The following GABBR2 variants were observed in gnomAD, a reference collection of about 807,000 sequenced individuals.
The protein encoded by GABBR2 is gamma-aminobutyric acid type B receptor subunit 2.
In GABBR2, 23 loss-of-function variants were observed where a neutral mutation model predicts 105.6. The observed-to-expected ratio is 0.22, with a 90% CI of 0.16 to 0.31. The LOEUF is 0.31. Among genes scored for constraint, GABBR2 ranks in the 10% least tolerant of loss-of-function variants. The pLI is 1.00. For synonymous variants in GABBR2, 478 were observed against 499.7 expected (o/e 0.96, Z 0.58); for missense variants, 734 against 1,245.5 (o/e 0.59, Z 6.18).
chr9:98,311,233 G>A, intron 13 of GABBR2, 28 bp from the exon 14 acceptor site: 1 of 1,375,700 alleles, frequency 7.3e-7, no homozygotes, highest in South Asian at 1.2e-5. Flanking sequence ...AGAGACTCAG[G>A]GATGGCACAG....
At position 98,522,886 on chromosome 9, in the gene GABBR2, AACTC is replaced by A. The variant is rs568652131; in HGVS notation, c.630+18983_630+18986del. Among the ~76,000 whole-genome samples, 175 of 152,322 alleles carry A rather than the reference AACTC, an allele frequency of 1.1e-3. 1 individual carries two copies. Among genetic ancestry groups the A allele is most frequent in the Middle Eastern group, 3.4e-3 (1 of 294 alleles). On this transcript the variant is annotated intron_variant, in intron 3 of 18. Coordinates refer to ENST00000259455, the MANE Select transcript of GABBR2 (RefSeq NM_005458.8). ...AATGTAAAGAGTAAAATCAAATTAA[AACTC>A]AGATTATAACAATACAGAATTAGAG... is the stretch of plus-strand genomic sequence containing the variant.
intron 3 of GABBR2, among the ~76,000 whole-genome samples, chr9:98,517,066 C>T (rs1329760535): frequency 2.0e-5 from 3 of 152,208 alleles, no homozygotes; most frequent in Non-Finnish European, 4.4e-5. Context: ...GATGGAGATA[C>T]TACGGTGCAC....
chr9:98,400,204 A>G (rs1832369806), intron 8 of GABBR2, among the ~76,000 whole-genome samples: 1 of 151,616 alleles, frequency 6.6e-6, no homozygotes, highest in African/African-American at 2.4e-5. Context: ...TTTAAAAAAA[A>G]AAGAAAAAAA....
chr9:98,532,741 G>T (rs1355586813), intron 3 of GABBR2, among the ~76,000 whole-genome samples: 1 of 152,190 alleles, frequency 6.6e-6, no homozygotes, highest in East Asian at 1.9e-4. Flanking sequence ...AAGTGGTCCT[G>T]CTGATGATGC....
rs146603661 is a variant in GABBR2 at position 98,661,337 on chromosome 9, C to T, written c.321+47080G>A. On this transcript the variant is annotated intron_variant, in intron 1 of 18. Transcript: ENST00000259455. ...TTAAGCCTACACTGTGGGCCCTTTG[C>T]GCCTCGTGCCTTGGAGTGTTCATCT... Among the ~76,000 whole-genome samples the T allele has an allele frequency of 2.0e-4, 31 of 152,296 alleles. No homozygotes were observed. In the East Asian group the frequency reaches 3.5e-3, roughly 17 times the overall value.
chr9:98,630,331 G>C (rs745555223), intron 1 of GABBR2, among the ~76,000 whole-genome samples: 1 of 152,140 alleles, frequency 6.6e-6, no homozygotes, highest in African/African-American at 2.4e-5. Flanking sequence ...CCACCTAATA[G>C]GCAAGATCAC....
Position 98,290,757 on chromosome 9 carries a change from G to T in GABBR2, c.2661-8C>A. On this transcript the variant is annotated splice_polypyrimidine_tract_variant and splice_region_variant and intron_variant, in intron 18 of 18. Coordinates refer to ENST00000259455, the MANE Select transcript of GABBR2 (RefSeq NM_005458.8). ...GACAGCCGACGCTGGATGCTGAAGA[G>T]AAGGAGAGGGAGGAGTGTTAGTGAA... The T allele has an allele frequency of 6.8e-7, 1 of 1,471,032 alleles. No homozygotes were observed. Among genetic ancestry groups the T allele is most frequent in the Non-Finnish European group, 8.9e-7 (1 of 1,120,632 alleles). 91.1% of individuals were successfully genotyped at this position (1,471,032 alleles called of 1,614,324 possible). A position where few individuals can be genotyped will look rare whatever the true frequency, so the allele number is the denominator to read the frequency against.
chr9:98,342,326 A>T (rs933709833), intron 13 of GABBR2, among the ~76,000 whole-genome samples: 1 of 152,114 alleles, frequency 6.6e-6, no homozygotes, highest in African/African-American at 2.4e-5. Context: ...GAGAAGTAAC[A>T]ATAGCTCAGG....
chr9:98,527,453 A>G (rs538882912), intron 3 of GABBR2, among the ~76,000 whole-genome samples: 1 of 152,308 alleles, frequency 6.6e-6, no homozygotes, highest in South Asian at 2.1e-4. Flanking sequence ...ATATCTACCT[A>G]GAAAATCCAA....
chr9:98,457,832 T>C (rs567308728), intron 6 of GABBR2, among the ~76,000 whole-genome samples: 3 of 152,304 alleles, frequency 2.0e-5, no homozygotes, highest in African/African-American at 7.2e-5. Context: ...CTCACAATTG[T>C]TGGAGAAAAA....
chr9:98,700,464 A>C (rs337540), intron 1 of GABBR2, among the ~76,000 whole-genome samples: 141,551 of 152,240 alleles, frequency 0.93, 65,936 homozygotes, highest in African/African-American at 0.98. Flanking sequence ...TAGGAAACTC[A>C]TGTAATGGAT....
At chr9:98,562,904 T>C (rs1055192859) in intron 2 of GABBR2, among the ~76,000 whole-genome samples, 1 of 151,312 alleles carries the variant, frequency 6.6e-6, no homozygotes, top group Admixed American at 6.6e-5. Flanking sequence ...ACTCCATCTC[T>C]ACAAAAAATA....
chr9:98,366,428 A>G (rs891162859), intron 12 of GABBR2, among the ~76,000 whole-genome samples: 7 of 152,178 alleles, frequency 4.6e-5, no homozygotes, highest in African/African-American at 1.4e-4. Flanking sequence ...TCATGTGCAT[A>G]TTTGTCTATG....
intron 1 of GABBR2, among the ~76,000 whole-genome samples, chr9:98,697,292 C>T (rs540506218): frequency 6.6e-6 from 1 of 152,182 alleles, no homozygotes; most frequent in East Asian, 1.9e-4. Flanking sequence ...GAGATGGAGA[C>T]CATCCTGGCT....
intron 1 of GABBR2, among the ~76,000 whole-genome samples, chr9:98,632,311 T>C (rs1035767590): frequency 6.6e-5 from 10 of 152,220 alleles, no homozygotes; most frequent in African/African-American, 2.4e-4. Context: ...CCCAGGTAGT[T>C]GTGAAGAAGT....
intron 4 of GABBR2, among the ~76,000 whole-genome samples, chr9:98,485,493 TACAC>T (rs758645508): frequency 7.0e-5 from 10 of 143,098 alleles, no homozygotes; most frequent in African/African-American, 1.8e-4. Flanking sequence ...TAAACACACA[TACAC>T]ACACGCAGGC....
At chr9:98,613,200 A>G (rs1411462107) in intron 1 of GABBR2, among the ~76,000 whole-genome samples, 4 of 152,298 alleles carry the variant, frequency 2.6e-5, no homozygotes, top group African/African-American at 9.6e-5. Context: ...ACACCTTGGG[A>G]GGCCAAGGTG....
At chr9:98,665,906 C>T (rs1830327194) in intron 1 of GABBR2, among the ~76,000 whole-genome samples, 1 of 151,904 alleles carries the variant, frequency 6.6e-6, no homozygotes, top group African/African-American at 2.4e-5. Flanking sequence ...AAAGGAAGTG[C>T]TTTATCTTGA....
intron 8 of GABBR2, among the ~76,000 whole-genome samples, chr9:98,404,426 A>T (rs1205180216): frequency 2.0e-5 from 3 of 152,210 alleles, no homozygotes; most frequent in African/African-American, 7.2e-5. Context: ...CTCCTGATTG[A>T]TCTGAATCCT....
Sources: allele counts gnomAD v4.1 joint callset (sites outside exome capture counted in the v4.1 genomes callset), GRCh38; gene constraint gnomAD v4.1.1; transcripts MANE v1.5; gene names NCBI Gene and HGNC (gene_info 2026-07-23, HGNC 2026-07-21).